The following AKAP13 variants were observed in gnomAD, a reference collection of about 807,000 sequenced individuals.
The protein encoded by AKAP13 is A-kinase anchor protein 13.
A neutral mutation model predicts 264.5 loss-of-function variants in AKAP13; 80 were observed. The observed-to-expected ratio is 0.30, with a 90% CI of 0.25 to 0.36. AKAP13 has a LOEUF of 0.36. Among genes scored for constraint, AKAP13 ranks in the 10% least tolerant of loss-of-function variants. The probability of loss-of-function intolerance (pLI) is 1.00; values close to 1 mark genes in which losing one functional copy is unlikely to be tolerated. For missense variants in AKAP13, 3,712 were observed against 3,435.2 expected, an observed-to-expected ratio of 1.08 and a Z score of -2.01; for synonymous variants, 1,380 against 1,250.2, an observed-to-expected ratio of 1.10 and a Z score of -2.19.
intron 1 of AKAP13, among the ~76,000 whole-genome samples, chr15:85,478,338 CCTA>C (rs1449029447): frequency 8.2e-6 from 1 of 122,212 alleles, no homozygotes; most frequent in Non-Finnish European, 1.9e-5. Flanking sequence ...AGTGTACTCT[CCTA>C]CACAACTTTC....
At chr15:85,454,576 C>G (rs953208208) in intron 1 of AKAP13, among the ~76,000 whole-genome samples, 3 of 152,104 alleles carry the variant, frequency 2.0e-5, no homozygotes, top group Admixed American at 6.5e-5. Context: ...TTCTGTTCCT[C>G]TCTGTGAGAG....
At chr15:85,508,593 T>G (rs981741423) in intron 2 of AKAP13, among the ~76,000 whole-genome samples, 4 of 152,176 alleles carry the variant, frequency 2.6e-5, no homozygotes, top group Admixed American at 1.3e-4. Context: ...TTCTGTAGTT[T>G]CCTTGCTCTG....
chr15:85,422,111 A>G (rs1366403923), intron 1 of AKAP13, among the ~76,000 whole-genome samples: 1 of 152,184 alleles, frequency 6.6e-6, no homozygotes, highest in African/African-American at 2.4e-5. Flanking sequence ...GAGTCATTTG[A>G]ATAATTACCA....
chr15:85,557,549 T>TC (rs1380344898), intron 5 of AKAP13, among the ~76,000 whole-genome samples: 1 of 152,148 alleles, frequency 6.6e-6, no homozygotes, highest in Non-Finnish European at 1.5e-5. Context: ...AGTGGCCCAG[T>TC]CATGGCTCAC....
intron 8 of AKAP13, among the ~76,000 whole-genome samples, chr15:85,633,049 G>T (rs939081960): frequency 6.6e-6 from 1 of 152,028 alleles, no homozygotes; most frequent in Non-Finnish European, 1.5e-5. Flanking sequence ...TATTTTTTCA[G>T]TAGAGACAGG....
chr15:85,691,184 T>G (rs2085264101), intron 16 of AKAP13, among the ~76,000 whole-genome samples: 1 of 152,188 alleles, frequency 6.6e-6, no homozygotes, highest in African/African-American at 2.4e-5. Context: ...TTCCTGGAAT[T>G]TTTTTAGGAC....
intron 5 of AKAP13, among the ~76,000 whole-genome samples, chr15:85,562,691 C>CTTTTTTTTTTTTTTTTTTTTTTTTT (rs10598092): frequency 9.9e-6 from 1 of 100,520 alleles, no homozygotes; most frequent in Non-Finnish European, 1.9e-5. Flanking sequence ...CTTTTCTTTT[C>CTTTTTTTTTTTTTTTTTTTTTTTTT]TTTTTTTTTT....
chr15:85,711,118 C>A (rs1218305160), intron 19 of AKAP13, among the ~76,000 whole-genome samples: 1 of 152,070 alleles, frequency 6.6e-6, no homozygotes, highest in Admixed American at 6.5e-5. Context: ...CTGGTTCAAG[C>A]GATTCTCCTG....
At chr15:85,470,878 A>G (rs1023440903) in intron 1 of AKAP13, among the ~76,000 whole-genome samples, 1 of 152,258 alleles carries the variant, frequency 6.6e-6, no homozygotes, top group Non-Finnish European at 1.5e-5. Flanking sequence ...TCTCTGAGCT[A>G]TAACATCATG....
At position 85,575,127 on chromosome 15, in the gene AKAP13, G is replaced by A; in HGVS notation, c.663-4G>A. 1 of 1,613,842 alleles carries A rather than the reference G, an allele frequency of 6.2e-7. No individual in the cohort carries two copies. The highest frequency in any genetic ancestry group is 8.5e-7 in the Non-Finnish European group (1 of 1,179,802). On this transcript the variant is annotated splice_region_variant and splice_polypyrimidine_tract_variant and intron_variant, in intron 5 of 36. Coordinates refer to ENST00000394518, the MANE Select transcript of AKAP13 (RefSeq NM_007200.5). ...ATATATTAACCAGAGATGCTTGCATGTAGGGAGAATGCTGGAGAACCAGAC... is the reference window on the plus strand; with the variant it reads ...ATATATTAACCAGAGATGCTTGCATATAGGGAGAATGCTGGAGAACCAGAC...
chr15:85,587,261 C>T (rs376789343), intron 8 of AKAP13, among the ~76,000 whole-genome samples: 10 of 152,182 alleles, frequency 6.6e-5, no homozygotes, highest in African/African-American at 2.2e-4. Context: ...GTAGATAGTA[C>T]GTAAACTGCC....
chr15:85,515,148 A>T (rs2076560274), intron 2 of AKAP13, among the ~76,000 whole-genome samples: 1 of 138,918 alleles, frequency 7.2e-6, no homozygotes, highest in Non-Finnish European at 1.5e-5. Flanking sequence ...TCTAAATTTT[A>T]TACCTTTTAA....
intron 14 of AKAP13, among the ~76,000 whole-genome samples, chr15:85,675,568 G>A (rs762617119): frequency 6.6e-6 from 1 of 152,128 alleles, no homozygotes; most frequent in Non-Finnish European, 1.5e-5. Context: ...GTAGGAGGGG[G>A]GTGAACTCAC....
chr15:85,688,928 G>A (rs766865490), intron 16 of AKAP13, among the ~76,000 whole-genome samples: 33 of 152,260 alleles, frequency 2.2e-4, no homozygotes, highest in Non-Finnish European at 4.4e-4. Flanking sequence ...GTAATTTTGC[G>A]TGTTACAGAG....
intron 1 of AKAP13, among the ~76,000 whole-genome samples, chr15:85,431,773 T>C (rs1004107990): frequency 2.0e-5 from 3 of 152,248 alleles, no homozygotes; most frequent in African/African-American, 7.2e-5. Flanking sequence ...ATATTCTTGC[T>C]TGTAGGCAAT....
At chr15:85,574,225 T>C (rs531973230) in intron 5 of AKAP13, among the ~76,000 whole-genome samples, 12 of 152,282 alleles carry the variant, frequency 7.9e-5, no homozygotes, top group Admixed American at 2.0e-4. Context: ...GTTAATAATA[T>C]GAGATTGTGT....
chr15:85,742,097 A>C (rs2089054961), intron 35 of AKAP13, among the ~76,000 whole-genome samples: 1 of 152,254 alleles, frequency 6.6e-6, no homozygotes, highest in Non-Finnish European at 1.5e-5. Flanking sequence ...AGGCAGAGGC[A>C]GAAAGTCTTC....
chr15:85,426,946 T>TTG (rs1567050784), intron 1 of AKAP13, among the ~76,000 whole-genome samples: 1 of 122,384 alleles, frequency 8.2e-6, no homozygotes, highest in African/African-American at 3.8e-5. Context: ...CTTAGTATTG[T>TTG]TTTGTTTTGT....
At position 85,441,906 on chromosome 15, in the gene AKAP13, C is replaced by T. The variant is rs77806600; in HGVS notation, c.-11-43804C>T. Among the ~76,000 whole-genome samples the T allele has an allele frequency of 7.0e-3, 1,061 of 152,150 alleles. 19 individuals carry two copies. Among genetic ancestry groups the T allele is most frequent in the African/African-American group, 0.024 (1,009 of 41,500 alleles). On this transcript the variant is annotated intron_variant, in intron 1 of 36. Coordinates refer to ENST00000394518, the MANE Select transcript of AKAP13 (RefSeq NM_007200.5). ...TGGGTCTTGGCCTTATTGTAGGGAG[C>T]TTTTCTATCATAGTTCACTTTGCTT...
Sources: allele counts gnomAD v4.1 joint callset (sites outside exome capture counted in the v4.1 genomes callset), GRCh38; gene constraint gnomAD v4.1.1; transcripts MANE v1.5; gene names NCBI Gene and HGNC (gene_info 2026-07-23, HGNC 2026-07-21).